The following DPF3 variants were observed in gnomAD, a reference collection of about 807,000 sequenced individuals.
The protein encoded by DPF3 is zinc finger protein DPF3.
A neutral mutation model predicts 56.8 loss-of-function variants in DPF3; 18 were observed. That is an observed-to-expected ratio of 0.32 (90% CI 0.22 to 0.47). The LOEUF is 0.47. Among genes scored for constraint, DPF3 ranks in the 20% least tolerant of loss-of-function variants. DPF3 has a pLI of 1.00. For synonymous variants in DPF3, 188 were observed against 180.2 expected, an observed-to-expected ratio of 1.04 and a Z score of -0.35; for missense variants, 403 against 488.8, an observed-to-expected ratio of 0.82 and a Z score of 1.65.
chr14:72,670,508 G>A, intron 8 of DPF3: 1 of 983,612 alleles, frequency 1.0e-6, no homozygotes, highest in Non-Finnish European at 1.2e-6. Flanking sequence ...ATGAGGGAGG[G>A]GTCTGCCGCG....
intron 2 of DPF3, among the ~76,000 whole-genome samples, chr14:72,757,029 G>GAA (rs1890867107): frequency 7.8e-6 from 1 of 128,934 alleles, no homozygotes; most frequent in African/African-American, 3.0e-5. Flanking sequence ...GGAAGAAGGG[G>GAA]AGAGAGGGAG....
chr14:72,634,610 A>G (rs1403425652), intron 8 of DPF3, among the ~76,000 whole-genome samples: 1 of 152,118 alleles, frequency 6.6e-6, no homozygotes, highest in Non-Finnish European at 1.5e-5. Flanking sequence ...GAGGATCCCT[A>G]TCTTAATCTC....
intron 1 of DPF3, among the ~76,000 whole-genome samples, chr14:72,822,934 T>C (rs1162745528): frequency 6.6e-6 from 1 of 152,240 alleles, no homozygotes; most frequent in East Asian, 1.9e-4. Context: ...AGCATCAACA[T>C]GACTCATGAA....
chr14:72,782,816 G>A (rs11848907), intron 1 of DPF3, among the ~76,000 whole-genome samples: 4,641 of 150,970 alleles, frequency 0.031, 228 homozygotes, highest in African/African-American at 0.11. Flanking sequence ...CTGGGCGACA[G>A]AGCGAGACTC....
chr14:72,767,487 A>G (rs1891334369), intron 2 of DPF3, among the ~76,000 whole-genome samples: 1 of 152,180 alleles, frequency 6.6e-6, no homozygotes, highest in Non-Finnish European at 1.5e-5. Context: ...ATTGTAACAA[A>G]AAATAAAAAA....
At chr14:72,726,361 A>G (rs1301513336) in intron 4 of DPF3, among the ~76,000 whole-genome samples, 1 of 152,174 alleles carries the variant, frequency 6.6e-6, no homozygotes, top group Non-Finnish European at 1.5e-5. Flanking sequence ...CTGGGTTGGA[A>G]GGTGAAAGAC....
intron 8 of DPF3, chr14:72,661,254 G>A (rs959813512): frequency 2.0e-5 from 20 of 985,262 alleles, no homozygotes; most frequent in Non-Finnish European, 2.3e-5. Context: ...AAATGATACA[G>A]ACACTCTCGG....
chr14:72,832,131 C>T (rs1289225310), intron 1 of DPF3, among the ~76,000 whole-genome samples: 3 of 152,250 alleles, frequency 2.0e-5, no homozygotes, highest in South Asian at 2.1e-4. Flanking sequence ...GCAGGAGGAT[C>T]GCTTGAGCCC....
intron 1 of DPF3, among the ~76,000 whole-genome samples, chr14:72,810,284 C>A (rs1882980356): frequency 6.6e-6 from 1 of 151,342 alleles, no homozygotes; most frequent in Non-Finnish European, 1.5e-5. Flanking sequence ...TGTGCCTGAA[C>A]CCAGGCTAAA....
At chr14:72,789,389 G>T (rs764028302) in intron 1 of DPF3, among the ~76,000 whole-genome samples, 7 of 152,180 alleles carry the variant, frequency 4.6e-5, no homozygotes, top group Non-Finnish European at 1.0e-4. Context: ...ATTTGAACCA[G>T]GTGGTCTTGT....
intron 1 of DPF3, among the ~76,000 whole-genome samples, chr14:72,813,807 T>C (rs1202984220): frequency 1.3e-5 from 2 of 152,180 alleles, no homozygotes; most frequent in Admixed American, 1.3e-4. Context: ...AGATGATGGA[T>C]GCTGGGGCTC....
At chr14:72,787,869 T>C (rs1892273834) in intron 1 of DPF3, among the ~76,000 whole-genome samples, 1 of 152,212 alleles carries the variant, frequency 6.6e-6, no homozygotes, top group Non-Finnish European at 1.5e-5. Context: ...AGGCTGCCTC[T>C]GGTGGCCCGG....
rs59858422 is a variant in DPF3 at position 72,864,671 on chromosome 14, CGGATGGAT to C, written c.32+29378_32+29385del. On this transcript the variant is annotated intron_variant, in intron 1 of 10. Coordinates refer to ENST00000556509, the MANE Select transcript of DPF3 (RefSeq NM_001280542.3). ...GCCCAGGTTGGCACTCAGTAATTAG[CGGATGGAT>C]GGATGGATGGATGGATGGATGGATG... 3.4e-3 allele frequency among the ~76,000 whole-genome samples: 518 copies of C among 151,160 alleles called. 4 individuals carry two copies. Among genetic ancestry groups the C allele is most frequent in the African/African-American group, 7.5e-3 (310 of 41,112 alleles).
At chr14:72,756,907 AAAG>A (rs1890846829) in intron 2 of DPF3, among the ~76,000 whole-genome samples, 1 of 47,090 alleles carries the variant, frequency 2.1e-5, no homozygotes, top group South Asian at 1.0e-3. Context: ...GAAAAGAAAA[AAAG>A]AAAGAAAGAA....
chr14:72,657,519 G>A (rs533664156), intron 8 of DPF3, among the ~76,000 whole-genome samples: 1 of 152,194 alleles, frequency 6.6e-6, no homozygotes, highest in South Asian at 2.1e-4. Flanking sequence ...TGTTGCATTT[G>A]GCCATGAAAT....
chr14:72,700,759 C>T (rs1888123753), intron 6 of DPF3, among the ~76,000 whole-genome samples: 1 of 152,242 alleles, frequency 6.6e-6, no homozygotes, highest in African/African-American at 2.4e-5. Flanking sequence ...CTAATCCTCT[C>T]TGTGCCTCAG....
chr14:72,749,392 T>G (rs1356544824), intron 3 of DPF3, among the ~76,000 whole-genome samples: 1 of 152,246 alleles, frequency 6.6e-6, no homozygotes, highest in Non-Finnish European at 1.5e-5. Flanking sequence ...AGTAACTAAC[T>G]TGCTTCTGAT....
chr14:72,836,412 C>T (rs1884296842), intron 1 of DPF3: 1 of 985,464 alleles, frequency 1.0e-6, no homozygotes, highest in African/African-American at 1.7e-5. Flanking sequence ...CTACTCCAGC[C>T]ACTGGATAAG....
chr14:72,765,333 G>C (rs1891235216), intron 2 of DPF3, among the ~76,000 whole-genome samples: 1 of 152,192 alleles, frequency 6.6e-6, no homozygotes, highest in Admixed American at 6.5e-5. Context: ...CTTTGGAAAA[G>C]AGCTTGGCAG....
Sources: allele counts gnomAD v4.1 joint callset (sites outside exome capture counted in the v4.1 genomes callset), GRCh38; gene constraint gnomAD v4.1.1; transcripts MANE v1.5; gene names NCBI Gene and HGNC (gene_info 2026-07-23, HGNC 2026-07-21).